BRF1: variants seen among roughly 807,000 people sequenced by gnomAD.
BRF1 encodes transcription factor IIIB 90 kDa subunit.
BRF1 carries 59 observed loss-of-function variants against 81.7 expected under a neutral mutation model. That is an observed-to-expected ratio of 0.72 (90% confidence interval 0.59 to 0.90). The LOEUF is 0.90. Ranked by LOEUF, BRF1 falls within the 40% of genes least tolerant of loss-of-function variation. BRF1 has a pLI of 0.00. For synonymous variants in BRF1, 491 were observed against 395.6 expected (o/e 1.24, Z -2.86); for missense variants, 1,050 against 936.3 (o/e 1.12, Z -1.58).
chr14:105,280,078 T>C (rs914584615), intron 2 of BRF1, among the ~76,000 whole-genome samples: 1 of 152,228 alleles, frequency 6.6e-6, no homozygotes, highest in African/African-American at 2.4e-5. Flanking sequence ...CAGCAATCAC[T>C]CAGAAAAACC....
chr14:105,298,562 C>T (rs949265566), intron 1 of BRF1, among the ~76,000 whole-genome samples: 3 of 152,202 alleles, frequency 2.0e-5, no homozygotes, highest in Non-Finnish European at 4.4e-5. Context: ...CATAGATGGA[C>T]CACAGATTTA....
intron 15 of BRF1, among the ~76,000 whole-genome samples, chr14:105,216,809 C>T (rs587711041): frequency 3.9e-5 from 6 of 152,328 alleles, no homozygotes; most frequent in East Asian, 1.9e-4. Context: ...ACACCCAGCC[C>T]GGAGACTCGG....
intron 1 of BRF1, among the ~76,000 whole-genome samples, chr14:105,295,028 C>T (rs764784333): frequency 2.0e-5 from 3 of 152,172 alleles, no homozygotes; most frequent in Non-Finnish European, 2.9e-5. Context: ...AGAACACCAA[C>T]TCTACATAAT....
At chr14:105,250,980 T>C in intron 5 of BRF1, 1 of 356,796 alleles carries the variant, frequency 2.8e-6, no homozygotes, top group Non-Finnish European at 5.4e-6. Flanking sequence ...CCTGCTACCC[T>C]CTTGGATTCT....
Position 105,226,166 on chromosome 14 carries a change from A to G in BRF1, c.956-5T>C, listed in dbSNP as rs779633685. 2.5e-6 allele frequency: 4 copies of G among 1,613,998 alleles called. No individual in the cohort carries two copies. The highest frequency in any genetic ancestry group is 1.7e-5 in the Admixed American group (1 of 60,022). On this transcript the variant is annotated splice_polypyrimidine_tract_variant and splice_region_variant and intron_variant, in intron 9 of 17. Transcript: ENST00000547530. ...CCTGGTAACTGGATATTTCACCTGA[A>G]GTCATAAGTTAAAAGCAAAAAGTCA...
chr14:105,248,391 G>T, intron 5 of BRF1: 4 of 985,408 alleles, frequency 4.1e-6, no homozygotes, highest in Non-Finnish European at 4.8e-6. Context: ...GCCTGCCAGC[G>T]CCGGGAGCCG....
intron 5 of BRF1, among the ~76,000 whole-genome samples, chr14:105,251,294 G>C (rs1323275524): frequency 3.9e-5 from 6 of 152,144 alleles, no homozygotes; most frequent in African/African-American, 1.2e-4. Flanking sequence ...GAAACACCAG[G>C]TGCCTGGTTG....
At chr14:105,247,949 T>C in intron 5 of BRF1, 1 of 985,456 alleles carries the variant, frequency 1.0e-6, no homozygotes, top group East Asian at 1.1e-4. Flanking sequence ...AGCCTGCGAC[T>C]GCGATCCACA....
chr14:105,274,228 C>T (rs922599588), intron 2 of BRF1, among the ~76,000 whole-genome samples: 3 of 152,148 alleles, frequency 2.0e-5, no homozygotes, highest in African/African-American at 7.2e-5. Flanking sequence ...TTCTTGCTGA[C>T]CTTCTCCCCA....
chr14:105,273,406 C>G (rs2056744712), intron 2 of BRF1, among the ~76,000 whole-genome samples: 1 of 152,264 alleles, frequency 6.6e-6, no homozygotes, highest in African/African-American at 2.4e-5. Context: ...AGCCAGCCAC[C>G]CGGCCTGAGA....
At chr14:105,217,397 A>C in intron 15 of BRF1, 147 bp downstream of exon 15, 1 of 1,297,412 alleles carries the variant, frequency 7.7e-7, no homozygotes, top group Non-Finnish European at 1.1e-6. Flanking sequence ...GAGAAGGCCC[A>C]CCAGTCCCCA....
intron 5 of BRF1, chr14:105,248,791 C>G: frequency 2.0e-6 from 2 of 982,820 alleles, no homozygotes; most frequent in Non-Finnish European, 2.4e-6. Flanking sequence ...GAGCCGCTCC[C>G]GAGGCCCCGG....
At chr14:105,312,555 G>T (rs1309105522) in intron 1 of BRF1, among the ~76,000 whole-genome samples, 2 of 152,212 alleles carry the variant, frequency 1.3e-5, no homozygotes, top group Non-Finnish European at 2.9e-5. Flanking sequence ...CCAAACACGG[G>T]GGTGAGGGCT....
intron 6 of BRF1, among the ~76,000 whole-genome samples, 154 bp from the exon 7 acceptor site, chr14:105,229,067 T>A (rs959200982): frequency 1.3e-5 from 2 of 152,222 alleles, no homozygotes; most frequent in African/African-American, 2.4e-5. Flanking sequence ...TTGGCATGGC[T>A]ACTCCTGAAC....
intron 3 of BRF1, 104 bp downstream of exon 3, chr14:105,272,617 A>T (rs116678287): frequency 0.011 from 15,070 of 1,384,744 alleles, 319 homozygotes; most frequent in African/African-American, 0.072. Flanking sequence ...TTTTCTATTA[A>T]AGACAAACAC....
chr14:105,225,255 T>C (rs1892898985), intron 10 of BRF1, among the ~76,000 whole-genome samples: 1 of 152,072 alleles, frequency 6.6e-6, no homozygotes, highest in Non-Finnish European at 1.5e-5. Context: ...CAAGTGAAAA[T>C]ACACAGTACA....
chr14:105,314,910 G>A, intron 1 of BRF1: 1 of 1,006,658 alleles, frequency 9.9e-7, no homozygotes. Context: ...GAGCGGCGGG[G>A]CCGGCGCCAT....
intron 1 of BRF1, among the ~76,000 whole-genome samples, chr14:105,314,110 G>A (rs1595534095): frequency 6.6e-6 from 1 of 152,298 alleles, no homozygotes; most frequent in South Asian, 2.1e-4. Context: ...GAGTGGCTTC[G>A]AGTCCCCGCG....
chr14:105,228,825 C>G lies in BRF1; in HGVS notation c.783G>C (p.Arg261=). Residue 261 remains arginine, a synonymous_variant, in exon 7 of 18, where the codon CGG becomes CGC. Transcript: ENST00000547530. The part of the protein sequence containing the change: ...SVVKVCESTL[R]KRLTEFEDTP... Reference sequence around the variant, plus strand: ...CATGAATGAGAGCCCCTCACCTCTTCCGCAGCGTGGACTCACACACTTTGA... The same window carrying G: ...CATGAATGAGAGCCCCTCACCTCTTGCGCAGCGTGGACTCACACACTTTGA... The G allele has an allele frequency of 6.2e-7, 1 of 1,613,910 alleles. No homozygotes were observed.
Sources: gnomAD v4.1 joint callset for allele counts (sites outside exome capture counted in the v4.1 genomes callset) on GRCh38, gnomAD v4.1.1 for gene constraint, MANE v1.5 for transcripts, NCBI Gene and HGNC (gene_info 2026-07-23, HGNC 2026-07-21) for gene names.